GRM5: variants seen among roughly 807,000 people sequenced by gnomAD.
GRM5 encodes the protein metabotropic glutamate receptor 5.
GRM5 carries 19 observed loss-of-function variants against 83.1 expected under a neutral mutation model. The ratio of observed to expected loss-of-function variants is 0.23; its 90% CI spans 0.16 to 0.34. The LOEUF (loss-of-function observed/expected upper bound fraction) is 0.34, where lower values mean the gene tolerates loss of function less well. GRM5 is among the 10% of genes least tolerant of loss of function. The pLI is 1.00. For synonymous variants in GRM5, 675 were observed against 633.6 expected, an observed-to-expected ratio of 1.07 and a Z score of -0.98; for missense variants, 1,160 against 1,588.3, an observed-to-expected ratio of 0.73 and a Z score of 4.58.
intron 7 of GRM5, among the ~76,000 whole-genome samples, chr11:88,573,753 C>T (rs1943052524): frequency 6.6e-6 from 1 of 152,158 alleles, no homozygotes; most frequent in African/African-American, 2.4e-5. Flanking sequence ...TGGTGACTAA[C>T]AACATCATGC....
chr11:89,010,210 G>A (rs1940658222), intron 2 of GRM5, among the ~76,000 whole-genome samples: 1 of 152,016 alleles, frequency 6.6e-6, no homozygotes, highest in African/African-American at 2.4e-5. Flanking sequence ...ATAAAAGCAT[G>A]CCCACAGAAT....
chr11:88,676,783 C>A (rs1469536881), intron 3 of GRM5, among the ~76,000 whole-genome samples: 1 of 152,000 alleles, frequency 6.6e-6, no homozygotes, highest in African/African-American at 2.4e-5. Flanking sequence ...GTTAATGCAT[C>A]TTCAAAACTT....
At chr11:88,801,929 T>G (rs1425448046) in intron 3 of GRM5, among the ~76,000 whole-genome samples, 1 of 152,084 alleles carries the variant, frequency 6.6e-6, no homozygotes, top group Non-Finnish European at 1.5e-5. Context: ...CTTTTCTGGT[T>G]ACACCCATGT....
intron 2 of GRM5, among the ~76,000 whole-genome samples, chr11:88,975,556 C>T (rs1005946973): frequency 4.6e-5 from 7 of 152,138 alleles, no homozygotes; most frequent in Non-Finnish European, 1.0e-4. Flanking sequence ...CTAAATTAAA[C>T]CTTCTTACTC....
chr11:89,046,024 C>T lies in GRM5; in HGVS notation c.661+1188G>A, dbSNP rs186284698. 3.3e-4 allele frequency among the ~76,000 whole-genome samples: 50 copies of T among 152,194 alleles called. No individual in the cohort carries two copies. The East Asian group carries it at 7.9e-3, about 24-fold the overall frequency. On this transcript the variant is annotated intron_variant, in intron 2 of 9. Coordinates refer to ENST00000305447, the MANE Select transcript of GRM5 (RefSeq NM_001143831.3). ...ATTTCCTTTAGAGTCAGATTTGTAA[C>T]ATTGTGTCATTTTGAATTATGATTA...
chr11:88,998,090 AGAG>A (rs950216457), intron 2 of GRM5, among the ~76,000 whole-genome samples: 2 of 150,942 alleles, frequency 1.3e-5, no homozygotes, highest in African/African-American at 4.9e-5. Context: ...AAAGAGAGAG[AGAG>A]GAGAAGCGAG....
Position 88,978,973 on chromosome 11 carries a change from T to C in GRM5, c.661+68239A>G, listed in dbSNP as rs999852895. ...GAGAAAAGACATAAATACTATAGAGTGTATCAAAATCCTTCATACACCTCC... is the reference window on the plus strand; with the variant it reads ...GAGAAAAGACATAAATACTATAGAGCGTATCAAAATCCTTCATACACCTCC... On this transcript the variant is annotated intron_variant, in intron 2 of 9. Transcript: ENST00000305447. Among the ~76,000 whole-genome samples the C allele has an allele frequency of 3.3e-5, 5 of 152,146 alleles. No individual in the cohort carries two copies. The East Asian group carries it at 5.8e-4, about 18-fold the overall frequency.
intron 1 of GRM5, among the ~76,000 whole-genome samples, chr11:89,048,395 A>G (rs1372729885): frequency 1.3e-5 from 2 of 152,230 alleles, no homozygotes; most frequent in African/African-American, 4.8e-5. Flanking sequence ...AAGCAAAACT[A>G]CGCCATGAAC....
At chr11:88,588,837 C>G (rs2135204757) in intron 7 of GRM5, among the ~76,000 whole-genome samples, 1 of 152,154 alleles carries the variant, frequency 6.6e-6, no homozygotes, top group South Asian at 2.1e-4. Flanking sequence ...TGTCTCTTTC[C>G]CCACAAGATG....
chr11:88,936,328 C>T (rs1185572426), intron 2 of GRM5, among the ~76,000 whole-genome samples: 1 of 151,764 alleles, frequency 6.6e-6, no homozygotes, highest in Non-Finnish European at 1.5e-5. Flanking sequence ...TTATTATTAG[C>T]CAGATGACCA....
intron 3 of GRM5, among the ~76,000 whole-genome samples, chr11:88,790,050 G>A (rs1164739801): frequency 6.6e-6 from 1 of 152,070 alleles, no homozygotes; most frequent in African/African-American, 2.4e-5. Flanking sequence ...TTTTAATAGA[G>A]ATGGGATTTT....
intron 9 of GRM5, among the ~76,000 whole-genome samples, chr11:88,524,214 CTTTTTTT>C (rs71470770): frequency 0.013 from 1,355 of 100,752 alleles, 3 homozygotes; most frequent in Non-Finnish European, 0.017. Flanking sequence ...TTCTTTCTTT[CTTTTTTT>C]TTTTTTTTTT....
intron 3 of GRM5, among the ~76,000 whole-genome samples, chr11:88,816,887 T>G (rs896328528): frequency 2.0e-5 from 3 of 152,100 alleles, no homozygotes; most frequent in Non-Finnish European, 4.4e-5. Flanking sequence ...TTTGACAATT[T>G]AAATAAAATA....
intron 2 of GRM5, among the ~76,000 whole-genome samples, chr11:88,948,015 T>C (rs71469226): frequency 0.024 from 3,646 of 152,050 alleles, 54 homozygotes; most frequent in Middle Eastern, 0.065. Context: ...TGAGAGGTGA[T>C]TGGGAGAGTG....
intron 3 of GRM5, among the ~76,000 whole-genome samples, chr11:88,655,789 G>C (rs529870352): frequency 1.3e-3 from 192 of 151,554 alleles, no homozygotes; most frequent in African/African-American, 4.5e-3. Flanking sequence ...TTTTGTTTCA[G>C]ATGTTTCCAA....
At chr11:88,888,674 C>T (rs373367922) in intron 2 of GRM5, among the ~76,000 whole-genome samples, 44 of 151,930 alleles carry the variant, frequency 2.9e-4, no homozygotes, top group Middle Eastern at 3.4e-3. Flanking sequence ...CTGTGCAAAC[C>T]GGTAAAAGAA....
chr11:89,029,837 G>A (rs1941219486), intron 2 of GRM5, among the ~76,000 whole-genome samples: 1 of 152,198 alleles, frequency 6.6e-6, no homozygotes. Context: ...ACGGTAAGGT[G>A]GTTAGCTGGG....
chr11:88,741,320 T>G (rs1942023600), intron 3 of GRM5, among the ~76,000 whole-genome samples: 1 of 152,028 alleles, frequency 6.6e-6, no homozygotes, highest in South Asian at 2.1e-4. Flanking sequence ...GCAACTTGGT[T>G]GCAATAGGGC....
intron 9 of GRM5, among the ~76,000 whole-genome samples, chr11:88,517,628 C>T (rs1203749665): frequency 6.6e-6 from 1 of 152,020 alleles, no homozygotes; most frequent in African/African-American, 2.4e-5. Flanking sequence ...GACACAATTC[C>T]CAAATTTTAT....
Sources: allele counts gnomAD v4.1 joint callset (sites outside exome capture counted in the v4.1 genomes callset), GRCh38; gene constraint gnomAD v4.1.1; transcripts MANE v1.5; gene names NCBI Gene and HGNC (gene_info 2026-07-23, HGNC 2026-07-21).